Variants in TP53I11 observed in about 807,000 individuals in gnomAD.
TP53I11 encodes the protein tumor protein p53-inducible protein 11.
Under a neutral mutation model 23.3 loss-of-function variants are expected in TP53I11, and 9 were observed. That is an observed-to-expected ratio of 0.39 (90% CI 0.23 to 0.67). The LOEUF is 0.67. Among genes scored for constraint, TP53I11 ranks in the 30% least tolerant of loss-of-function variants. The pLI, the probability that TP53I11 is intolerant of heterozygous loss-of-function variation, is 0.48. For missense variants in TP53I11, 170 were observed against 255.2 expected, an observed-to-expected ratio of 0.67 and a Z score of 2.27; for synonymous variants, 100 against 106.1, an observed-to-expected ratio of 0.94 and a Z score of 0.35.
chr11:44,948,291 C>T (rs1293916795), intron 1 of TP53I11, among the ~76,000 whole-genome samples: 1 of 152,158 alleles, frequency 6.6e-6, no homozygotes, highest in African/African-American at 2.4e-5. Flanking sequence ...AGGAATTCAT[C>T]CCTTCTCAGT....
chr11:44,947,140 G>C (rs1244969738), intron 1 of TP53I11: 4 of 455,846 alleles, frequency 8.8e-6, no homozygotes, highest in Non-Finnish European at 1.8e-5. Context: ...TGGGCAAGGG[G>C]ATCAGGCCCT....
chr11:44,950,029 C>T (rs956639203), intron 1 of TP53I11: 1 of 152,344 alleles, frequency 6.6e-6, no homozygotes, highest in African/African-American at 2.4e-5. Flanking sequence ...AGCTCCGAGC[C>T]GTTAGGCGGC....
At position 44,940,327 on chromosome 11, in the gene TP53I11, G is replaced by A. The variant is rs550267582; in HGVS notation, c.-31-1961C>T. Among the ~76,000 whole-genome samples the A allele has an allele frequency of 1.2e-4, 18 of 152,302 alleles. No homozygotes were observed. The East Asian group carries it at 1.9e-3, about 16-fold the overall frequency. ...TGCAGTTATTTGAATGTTAGCACAC[G>A]TATAGATTTTTGTAGCCACCAGCTC... On this transcript the variant is annotated intron_variant, in intron 1 of 6. Coordinates refer to ENST00000525680, the MANE Select transcript of TP53I11 (RefSeq NM_006034.5).
chr11:44,948,333 C>CT lies in TP53I11; in HGVS notation c.-32+2343dup, dbSNP rs534143732. On this transcript the variant is annotated intron_variant, in intron 1 of 6. Transcript: ENST00000525680. ...CTCTTCCTCAGCCCCTCACTCCCTG[C>CT]TAGCTGCAGGGTAGGCACATTCCAG... Among the ~76,000 whole-genome samples the CT allele has an allele frequency of 1.9e-4, 29 of 152,270 alleles. 1 individual carries two copies. In the South Asian group the frequency reaches 5.4e-3, roughly 28 times the overall value.
At position 44,936,859 on chromosome 11, in the gene TP53I11, T is replaced by C. The variant is rs1454813929; in HGVS notation, c.278A>G (p.Asp93Gly). The stretch of plus-strand genomic sequence containing the variant: ...GGTCTTGCTGGTCACCTGGGCTCCA[T>C]CAAAGACCGCATCATAGAGCTGGTC... Reference protein sequence around the residue: ...FPDQLYDAVFDGAQVTSKTPI... With the variant: ...FPDQLYDAVFGGAQVTSKTPI... Residue 93 changes from aspartate to glycine, a missense_variant, in exon 5 of 7, where the codon GAT (aspartate) becomes GGT (glycine). By Grantham distance (94) the Asp-to-Gly change is moderately conservative. Coordinates refer to ENST00000525680, the MANE Select transcript of TP53I11 (RefSeq NM_006034.5). This position sits in a 1 kb window ranked among gnomAD's most constrained non-coding sequence, Gnocchi z 4.4. 1 of 1,609,688 alleles carries C rather than the reference T, an allele frequency of 6.2e-7. No homozygotes were observed. The highest frequency in any genetic ancestry group is 8.5e-7 in the Non-Finnish European group (1 of 1,178,538).
chr11:44,937,625 G>A lies in TP53I11; in HGVS notation c.130-12C>T. Reference sequence around the variant, plus strand: ...AAGACCTGGCTGATCTGTGGACAGAGGGGGTCAGAGGCAACCAGGGTGAGG... The same window carrying A: ...AAGACCTGGCTGATCTGTGGACAGAAGGGGTCAGAGGCAACCAGGGTGAGG... On this transcript the variant is annotated splice_polypyrimidine_tract_variant and intron_variant, in intron 2 of 6. Transcript: ENST00000525680. 1 of 1,612,854 alleles carries A rather than the reference G, an allele frequency of 6.2e-7. No homozygotes were observed.
intron 1 of TP53I11, among the ~76,000 whole-genome samples, chr11:44,945,920 A>G (rs549304395): frequency 6.6e-6 from 1 of 152,266 alleles, no homozygotes; most frequent in Non-Finnish European, 1.5e-5. Context: ...GATGGAGTCT[A>G]GAGATCCCCT....
At chr11:44,935,161 T>C in intron 6 of TP53I11, 144 bp from the exon 7 acceptor site, 2 of 1,161,534 alleles carry the variant, frequency 1.7e-6, no homozygotes, top group East Asian at 2.5e-5. Flanking sequence ...GCACAGGACC[T>C]GCCCCCTGCC....
intron 1 of TP53I11, among the ~76,000 whole-genome samples, chr11:44,944,505 G>A (rs987720267): frequency 3.9e-5 from 6 of 152,150 alleles, no homozygotes; most frequent in African/African-American, 7.2e-5. Context: ...GGGGCGAGGC[G>A]GGAACAAGCA....
chr11:44,948,093 G>A (rs996821333), intron 1 of TP53I11, among the ~76,000 whole-genome samples: 3 of 152,126 alleles, frequency 2.0e-5, no homozygotes, highest in South Asian at 2.1e-4. Context: ...ACGATGCTGC[G>A]CTGGCCCTGG....
Position 44,935,586 on chromosome 11 carries a change from AGCTTC to A in TP53I11, c.406_410del (p.Glu136LeufsTer16), listed in dbSNP as rs759650447. The A allele has an allele frequency of 1.2e-6, 2 of 1,613,568 alleles. No individual in the cohort carries two copies. The highest frequency in any genetic ancestry group is 1.7e-6 in the Non-Finnish European group (2 of 1,179,802). ...CCAAGAACTGGACCCCGAAATAGCA[AGCTTC>A]GGTGAGCAGGGTCCATCGAATGATG... On this transcript the variant is annotated frameshift_variant, in exon 6 of 7. Coordinates refer to ENST00000525680, the MANE Select transcript of TP53I11 (RefSeq NM_006034.5). LOFTEE classifies it high-confidence loss of function.
chr11:44,938,339 C>G lies in TP53I11; in HGVS notation c.-4G>C, dbSNP rs748201833. 9 of 1,595,196 alleles carry G rather than the reference C, an allele frequency of 5.6e-6. No individual in the cohort carries two copies. In the Admixed American group the frequency reaches 1.4e-4, roughly 24 times the overall value. On this transcript the variant is annotated 5_prime_UTR_variant, in exon 2 of 7. Transcript: ENST00000525680. ...GCGGGGGCTGCTTGGCCGCCATCTT[C>G]TCCTCCAGCCCGGCCTCTGCAGAAG... is the stretch of plus-strand genomic sequence containing the variant.
At chr11:44,940,998 C>A (rs1861697751) in intron 1 of TP53I11, 1 of 152,288 alleles carries the variant, frequency 6.6e-6, no homozygotes, top group African/African-American at 2.4e-5. Flanking sequence ...TCAGTCCTGC[C>A]TTACCTCTTC....
chr11:44,941,527 C>T (rs533826168), intron 1 of TP53I11, among the ~76,000 whole-genome samples: 1 of 152,262 alleles, frequency 6.6e-6, no homozygotes, highest in African/African-American at 2.4e-5. Context: ...TTAACCTCTA[C>T]GTGCCTCAGT....
chr11:44,944,840 G>A (rs1351629008), intron 1 of TP53I11, among the ~76,000 whole-genome samples: 1 of 152,154 alleles, frequency 6.6e-6, no homozygotes, highest in Non-Finnish European at 1.5e-5. Flanking sequence ...ACATGAATAA[G>A]GTGGCTGCCC....
chr11:44,934,747 C>A lies in TP53I11; in HGVS notation c.*137G>T. 2 of 1,245,528 alleles carry A rather than the reference C, an allele frequency of 1.6e-6. No homozygotes were observed. The highest frequency in any genetic ancestry group is 3.0e-5 in the South Asian group (2 of 67,520). The allele number at this position is 1,245,528 out of a possible 1,614,324, so 77.2% of individuals were successfully genotyped here. A position where few individuals can be genotyped will look rare whatever the true frequency, so the allele number is the denominator to read the frequency against. On this transcript the variant is annotated 3_prime_UTR_variant, in exon 7 of 7. Coordinates refer to ENST00000525680, the MANE Select transcript of TP53I11 (RefSeq NM_006034.5). The stretch of plus-strand genomic sequence containing the variant: ...CGGGGTGCCCAGGAGGAAAGGAAGG[C>A]CCCCCACCCCCTGCCTCCCTGGGGC...
chr11:44,935,468 T>C, intron 6 of TP53I11, 93 bp downstream of exon 6: 1 of 1,204,648 alleles, frequency 8.3e-7, no homozygotes, highest in Non-Finnish European at 1.2e-6. Flanking sequence ...CAGACAGGTT[T>C]TCATCACTTC....
At chr11:44,938,517 C>CT in intron 1 of TP53I11, 151 bp from the exon 2 acceptor site, 1 of 909,514 alleles carries the variant, frequency 1.1e-6, no homozygotes, top group Non-Finnish European at 1.6e-6. Flanking sequence ...CAGCTGGCTT[C>CT]CTTGTCAAAT....
intron 1 of TP53I11, among the ~76,000 whole-genome samples, chr11:44,938,763 T>C (rs1861448570): frequency 6.6e-6 from 1 of 152,040 alleles, no homozygotes. Flanking sequence ...GGGGAGGGTC[T>C]GTCCAAGCCT....
Sources: gnomAD v4.1 joint callset for allele counts (sites outside exome capture counted in the v4.1 genomes callset) on GRCh38, gnomAD v4.1.1 for gene constraint, Gnocchi (gnomAD v3.1) non-coding constraint, MANE v1.5 for transcripts, NCBI Gene and HGNC (gene_info 2026-07-23, HGNC 2026-07-21) for gene names.